Variants in CNNM1 observed in about 807,000 individuals in gnomAD.
The protein encoded by CNNM1 is cyclin and CBS domain divalent metal cation transport mediator 1.
CNNM1 carries 44 observed loss-of-function variants against 78.8 expected under a neutral mutation model. That is an observed-to-expected ratio of 0.56 (90% confidence interval 0.44 to 0.72). CNNM1 has a LOEUF of 0.72. CNNM1 is among the 30% of genes least tolerant of loss of function. The probability of loss-of-function intolerance (pLI) is 0.00; values close to 1 mark genes in which losing one functional copy is unlikely to be tolerated. For synonymous variants in CNNM1, 584 were observed against 581.5 expected (o/e 1.00, Z -0.06); for missense variants, 1,101 against 1,292.2 (o/e 0.85, Z 2.27).
In CNNM1 at chr10:99,329,577, G is replaced by T. The variant is rs777684690; in HGVS notation, c.190G>T (p.Ala64Ser). ...RVSLEGGTLR[A>S]AEGTSFLLRV... The stretch of plus-strand genomic sequence containing the variant: ...GTCCCTGGAGGGGGGCACCCTGCGC[G>T]CCGCCGAAGGCACCAGCTTCCTCCT... Residue 64 changes from alanine (A) to serine (S), a missense_variant, in exon 1 of 11, where the codon GCC (alanine) becomes TCC (serine). By Grantham distance (99) the Ala-to-Ser change is moderately conservative (BLOSUM62 1). This residue lies in a region of CNNM1 where 476 missense variants were observed against 484.5 expected (regional missense o/e 0.98). Coordinates refer to ENST00000356713, the MANE Select transcript of CNNM1 (RefSeq NM_020348.3). 4 of 1,522,046 alleles carry T rather than the reference G, an allele frequency of 2.6e-6. No individual in the cohort carries two copies. The highest frequency in any genetic ancestry group is 2.1e-5 in the Admixed American group (1 of 48,762). 94.3% of individuals were successfully genotyped at this position (1,522,046 alleles called of 1,614,324 possible). A position where few individuals can be genotyped will look rare whatever the true frequency, so the allele number is the denominator to read the frequency against.
At chr10:99,385,540 C>T (rs1001202209) in intron 7 of CNNM1, among the ~76,000 whole-genome samples, 1 of 152,202 alleles carries the variant, frequency 6.6e-6, no homozygotes, top group African/African-American at 2.4e-5. Flanking sequence ...GTAAGCTTGA[C>T]AGCTGTCTTT....
chr10:99,362,257 C>A lies in CNNM1; in HGVS notation c.1889C>A (p.Ser630Ter). 6.2e-7 allele frequency: 1 copy of A among 1,613,520 alleles called. No homozygotes were observed. The highest frequency in any genetic ancestry group is 1.7e-4 in the Middle Eastern group (1 of 6,020). ...GAGCCCTTTAAGTCTCTGTACCTTT[C>A]GGAGAAGATCCTGCTCCGGCTCCTG... ...EVEPFKSLYL[S>*]EKILLRLLKH... Residue 630 changes from serine to a stop codon, truncating the protein, a stop_gained, in exon 4 of 11, where the codon TCG becomes TAG. Coordinates refer to ENST00000356713, the MANE Select transcript of CNNM1 (RefSeq NM_020348.3). LOFTEE classifies it high-confidence loss of function.
At chr10:99,350,067 G>T (rs778386942) in intron 1 of CNNM1, among the ~76,000 whole-genome samples, 1 of 152,160 alleles carries the variant, frequency 6.6e-6, no homozygotes, top group Non-Finnish European at 1.5e-5. Context: ...TCCTGATTCC[G>T]TAGGGCAGGG....
At chr10:99,377,321 C>G in intron 7 of CNNM1, 103 bp downstream of exon 7, 1 of 1,116,188 alleles carries the variant, frequency 9.0e-7, no homozygotes, top group Non-Finnish European at 1.3e-6. Context: ...ATGTGTGCAC[C>G]ATTCCCCTGT....
rs999816893 is a variant in CNNM1 at position 99,356,179 on chromosome 10, G to A, written c.1574-1333G>A. On this transcript the variant is annotated intron_variant, in intron 1 of 10. Coordinates refer to ENST00000356713, the MANE Select transcript of CNNM1 (RefSeq NM_020348.3). ...TGCTTGAAAGGCTGGGGAGAGGCTGGGCGAGGTGGCTCATGCCTGTAATCC... is the reference window on the plus strand; with the variant it reads ...TGCTTGAAAGGCTGGGGAGAGGCTGAGCGAGGTGGCTCATGCCTGTAATCC... Among the ~76,000 whole-genome samples, 86 of 152,016 alleles carry A rather than the reference G, an allele frequency of 5.7e-4. 1 individual carries two copies. The highest frequency in any genetic ancestry group is 1.2e-3 in the Non-Finnish European group (79 of 68,004).
In CNNM1 at chr10:99,329,672, G is replaced by A. The variant is rs781068726; in HGVS notation, c.285G>A (p.Gly95=). The change falls in exon 1 of 11, where the codon GGG becomes GGA. Residue 95 remains glycine, a synonymous_variant. Coordinates refer to ENST00000356713, the MANE Select transcript of CNNM1 (RefSeq NM_020348.3). ...TGCCCTCACCGACCCTCAACTCGGG[G>A]GAGAATGGCACCGGCGACTGGGCTC... ...APVPSPTLNS[G]ENGTGDWAPR... 8 of 1,558,460 alleles carry A rather than the reference G, an allele frequency of 5.1e-6. No individual in the cohort carries two copies. Among genetic ancestry groups the A allele is most frequent in the Non-Finnish European group, 6.0e-6 (7 of 1,162,638 alleles).
chr10:99,362,365 G>C lies in CNNM1; in HGVS notation c.1997G>C (p.Arg666Pro), dbSNP rs757790447. ...APEHYLYQRN[R>P]PVDYFVLLLQ... ...GAACACTACCTCTACCAGCGCAACC[G>C]CCCTGTGGACTACTTTGTGCTGCTT... The change falls in exon 4 of 11, where the codon CGC (arginine) becomes CCC (proline). Residue 666 changes from arginine to proline, a missense_variant. This residue lies in a region of CNNM1 where 348 missense variants were observed against 384.5 expected (regional missense o/e 0.90). Transcript: ENST00000356713. The C allele has an allele frequency of 6.2e-7, 1 of 1,613,678 alleles. No individual in the cohort carries two copies. The highest frequency in any genetic ancestry group is 8.5e-7 in the Non-Finnish European group (1 of 1,179,786).
intron 1 of CNNM1, among the ~76,000 whole-genome samples, chr10:99,333,646 C>T (rs1259364581): frequency 2.6e-5 from 4 of 152,036 alleles, no homozygotes; most frequent in Non-Finnish European, 5.9e-5. Flanking sequence ...CACTTGGCCT[C>T]ATTTAGTATT....
Position 99,345,954 on chromosome 10 carries a change from C to T in CNNM1, c.1574-11558C>T, listed in dbSNP as rs141559270. ...AAGCGATCCTCCCGCTTCAGCTTCC[C>T]AAAGTGCTGGGATTATGAGCCACCA... On this transcript the variant is annotated intron_variant, in intron 1 of 10. Coordinates refer to ENST00000356713, the MANE Select transcript of CNNM1 (RefSeq NM_020348.3). Among the ~76,000 whole-genome samples, 477 of 152,192 alleles carry T rather than the reference C, an allele frequency of 3.1e-3. 6 individuals carry two copies. Among genetic ancestry groups the T allele is most frequent in the Non-Finnish European group, 2.5e-3 (170 of 68,018 alleles).
chr10:99,364,159 A>C (rs982758119), intron 4 of CNNM1, among the ~76,000 whole-genome samples: 1 of 152,198 alleles, frequency 6.6e-6, no homozygotes. Context: ...GGGCCACTAC[A>C]GTATGCAAGG....
intron 6 of CNNM1, 57 bp from the exon 7 acceptor site, chr10:99,376,998 C>T: frequency 7.9e-7 from 1 of 1,272,484 alleles, no homozygotes; most frequent in Non-Finnish European, 1.1e-6. Flanking sequence ...CCTCCCTCCC[C>T]CTTCTTCCTC....
chr10:99,347,680 G>C (rs2134028389), intron 1 of CNNM1, among the ~76,000 whole-genome samples: 1 of 150,640 alleles, frequency 6.6e-6, no homozygotes, highest in African/African-American at 2.4e-5. Context: ...CTATCACATT[G>C]GCACCTCCCC....
intron 1 of CNNM1, among the ~76,000 whole-genome samples, chr10:99,333,368 A>T (rs1163711492): frequency 6.6e-6 from 1 of 152,216 alleles, no homozygotes; most frequent in Admixed American, 6.5e-5. Flanking sequence ...TGTTTGAGAC[A>T]GAGTTTCACT....
At chr10:99,359,508 G>A (rs1325174290) in intron 2 of CNNM1, among the ~76,000 whole-genome samples, 1 of 152,166 alleles carries the variant, frequency 6.6e-6, no homozygotes, top group Non-Finnish European at 1.5e-5. Flanking sequence ...CTGGGTCTGG[G>A]TCTGCCCATT....
At position 99,392,973 on chromosome 10, in the gene CNNM1, A is replaced by AAAAAG. The variant is rs2032517914; in HGVS notation, c.*1460_*1461insAGAAA. On this transcript the variant is annotated 3_prime_UTR_variant, in exon 11 of 11. Coordinates refer to ENST00000356713, the MANE Select transcript of CNNM1 (RefSeq NM_020348.3). ...ACTCTGTCTCCCCCCGCAAAAAAAA[A>AAAAAG]AAAGAAAGAAAGAAAGAGAAAAGAA... 1 of 152,134 alleles carries AAAAAG rather than the reference A, an allele frequency of 6.6e-6. No individual in the cohort carries two copies. The highest frequency in any genetic ancestry group is 2.4e-5 in the African/African-American group (1 of 41,398). 9.4% of individuals were successfully genotyped at this position (152,134 alleles called of 1,614,324 possible). A position where few individuals can be genotyped will look rare whatever the true frequency, so the allele number is the denominator to read the frequency against.
chr10:99,341,520 T>A (rs2030458293), intron 1 of CNNM1, among the ~76,000 whole-genome samples: 1 of 151,894 alleles, frequency 6.6e-6, no homozygotes, highest in Non-Finnish European at 1.5e-5. Flanking sequence ...AAAACATCTG[T>A]GGGTGAAAAG....
chr10:99,343,722 T>C (rs1212397438), intron 1 of CNNM1, among the ~76,000 whole-genome samples: 1 of 152,012 alleles, frequency 6.6e-6, no homozygotes, highest in Non-Finnish European at 1.5e-5. Context: ...TTTGTTTTGT[T>C]TTTTTGTTTT....
chr10:99,330,268 A>C lies in CNNM1; in HGVS notation c.881A>C (p.Asn294Thr), dbSNP rs1287330068. The change falls in exon 1 of 11, where the codon AAC (asparagine) becomes ACC (threonine). Residue 294 changes from asparagine to threonine, a missense_variant. Coordinates refer to ENST00000356713, the MANE Select transcript of CNNM1 (RefSeq NM_020348.3). ...CTLLLGQAGANAALAGWLYTS... is the reference protein window; with the variant it reads ...CTLLLGQAGATAALAGWLYTS... ...CTACTCCTGGGCCAAGCCGGAGCCA[A>C]CGCGGCCCTGGCTGGCTGGCTGTAC... is the stretch of plus-strand genomic sequence containing the variant. 2.6e-6 allele frequency: 4 copies of C among 1,561,498 alleles called. No homozygotes were observed. The African/African-American group carries it at 5.4e-5, about 21-fold the overall frequency.
At position 99,388,157 on chromosome 10, in the gene CNNM1, C is replaced by G; in HGVS notation, c.2530C>G (p.Arg844Gly). The G allele has an allele frequency of 6.2e-7, 1 of 1,613,760 alleles. No individual in the cohort carries two copies. The highest frequency in any genetic ancestry group is 8.5e-7 in the Non-Finnish European group (1 of 1,179,854). The change falls in exon 9 of 11, where the codon CGC (arginine) becomes GGC (glycine). Residue 844 changes from arginine (R) to glycine (G), a missense_variant. Arg to Gly is a moderately radical substitution (Grantham distance 125). Around this residue, in one of 3 missense-constraint regions of CNNM1, gnomAD observed 348 missense variants for 384.5 expected, o/e 0.90. Transcript: ENST00000356713. Reference protein sequence around the residue: ...LNNRNSLPCSRSDGLRSPSEV... With the variant: ...LNNRNSLPCSGSDGLRSPSEV... ...GCACTCACTGTCCTCCCCAGGCAGCCGCTCAGACGGGCTGAGAAGCCCCAG... is the reference window on the plus strand; with the variant it reads ...GCACTCACTGTCCTCCCCAGGCAGCGGCTCAGACGGGCTGAGAAGCCCCAG...
Sources: allele counts gnomAD v4.1 joint callset (sites outside exome capture counted in the v4.1 genomes callset), GRCh38; gene constraint gnomAD v4.1.1; regional missense constraint gnomAD v4.1.1; transcripts MANE v1.5; gene names NCBI Gene and HGNC (gene_info 2026-07-23, HGNC 2026-07-21).